Variants in ANKDD1A observed in about 807,000 individuals in gnomAD.
ANKDD1A encodes the protein ankyrin repeat and death domain-containing protein 1A.
Under a neutral mutation model 63.5 loss-of-function variants are expected in ANKDD1A, and 59 were observed. That is an observed-to-expected ratio of 0.93 (90% CI 0.75 to 1.15). ANKDD1A has a LOEUF of 1.15. Among genes scored for constraint, ANKDD1A ranks in the 50% most tolerant of loss-of-function variants. The pLI, the probability that ANKDD1A is intolerant of heterozygous loss-of-function variation, is 0.00. For synonymous variants in ANKDD1A, 266 were observed against 263.9 expected (o/e 1.01, Z -0.08); for missense variants, 632 against 656.4 (o/e 0.96, Z 0.41).
chr15:64,931,622 G>A, intron 8 of ANKDD1A, 37 bp downstream of exon 8: 5 of 1,604,146 alleles, frequency 3.1e-6, no homozygotes, highest in Non-Finnish European at 3.4e-6. Flanking sequence ...TCGGCTCTTG[G>A]CTGCTGAGCC....
intron 9 of ANKDD1A, among the ~76,000 whole-genome samples, chr15:64,940,547 C>T (rs1204150089): frequency 6.6e-6 from 1 of 152,102 alleles, no homozygotes; most frequent in Non-Finnish European, 1.5e-5. Context: ...ATTCTCCTGC[C>T]TCAGCCTCCC....
At position 64,953,157 on chromosome 15, in the gene ANKDD1A, C is replaced by T. The variant is rs1436499966; in HGVS notation, c.1483+3185C>T. On this transcript the variant is annotated intron_variant, in intron 14 of 14. Coordinates refer to ENST00000319580, the MANE Select transcript of ANKDD1A (RefSeq NM_182703.6). ...CCTTTTTTCTTCCTTTTTCTCCTTT[C>T]TTCTTTCCTTCTTTTCTTCTTTTTC... Among the ~76,000 whole-genome samples, 3 of 6,262 alleles carry T rather than the reference C, an allele frequency of 4.8e-4. No individual in the cohort carries two copies. In the Admixed American group the frequency reaches 5.6e-3, roughly 12 times the overall value. The allele number at this position is 6,262 out of a possible 152,430, so 4.1% of individuals were successfully genotyped here.
chr15:64,930,192 T>C lies in ANKDD1A; in HGVS notation c.571-630T>C, dbSNP rs180769591. 3.1e-3 allele frequency among the ~76,000 whole-genome samples: 462 copies of C among 151,156 alleles called. 1 individual carries two copies. The highest frequency in any genetic ancestry group is 3.8e-3 in the Non-Finnish European group (257 of 67,908). ...GTTGATGGGTGCAGCAAACCACCAA[T>C]GCACACGTTTACCGATGTAACAAAC... On this transcript the variant is annotated intron_variant, in intron 6 of 14. Coordinates refer to ENST00000319580, the MANE Select transcript of ANKDD1A (RefSeq NM_182703.6).
At chr15:64,941,395 A>C (rs1258599651) in intron 9 of ANKDD1A, among the ~76,000 whole-genome samples, 1 of 152,216 alleles carries the variant, frequency 6.6e-6, no homozygotes, top group Non-Finnish European at 1.5e-5. Context: ...GGGAAGTCCT[A>C]GAGCATGGTA....
At chr15:64,948,623 G>A (rs886326919) in intron 13 of ANKDD1A, among the ~76,000 whole-genome samples, 3 of 152,232 alleles carry the variant, frequency 2.0e-5, no homozygotes, top group African/African-American at 7.2e-5. Context: ...TTAGGAGTTT[G>A]AGACCAGCCT....
At chr15:64,952,125 TTTC>T (rs763974557) in intron 14 of ANKDD1A, among the ~76,000 whole-genome samples, 8 of 58,642 alleles carry the variant, frequency 1.4e-4, no homozygotes, top group Non-Finnish European at 3.4e-4. Context: ...CTTTCTTCTC[TTTC>T]TTCTTCTTCC....
At chr15:64,943,189 G>A in intron 10 of ANKDD1A, 2 of 342,628 alleles carry the variant, frequency 5.8e-6, no homozygotes, top group Non-Finnish European at 1.1e-5. Context: ...TTTAATAATA[G>A]GGAAGTGGTT....
In ANKDD1A at chr15:64,926,059, T is replaced by C. The variant is rs376319037; in HGVS notation, c.367-7T>C. 26 of 1,611,720 alleles carry C rather than the reference T, an allele frequency of 1.6e-5. No individual in the cohort carries two copies. Among genetic ancestry groups the C allele is most frequent in the Non-Finnish European group, 2.0e-5 (24 of 1,179,212 alleles). On this transcript the variant is annotated splice_region_variant and splice_polypyrimidine_tract_variant and intron_variant, in intron 4 of 14. Transcript: ENST00000319580. ...GACTGCAGGAACCCTCCTGCACTTG[T>C]TTCCAGGATGGCCTGACCTTACTGC...
intron 14 of ANKDD1A, among the ~76,000 whole-genome samples, chr15:64,956,231 C>A (rs200452071): frequency 5.0e-5 from 6 of 120,844 alleles, no homozygotes; most frequent in African/African-American, 1.2e-4. Flanking sequence ...TCTTTGGATT[C>A]CTTTTTTTTT....
chr15:64,924,716 A>G (rs537947368), intron 4 of ANKDD1A, among the ~76,000 whole-genome samples: 3 of 152,264 alleles, frequency 2.0e-5, no homozygotes, highest in Admixed American at 6.5e-5. Context: ...GTCTCTTCCA[A>G]TCTTGTGATG....
At chr15:64,951,500 TTCC>T (rs1411141223) in intron 14 of ANKDD1A, 12 of 146,642 alleles carry the variant, frequency 8.2e-5, no homozygotes, top group East Asian at 2.1e-4. Context: ...TTTCTTCTTC[TTCC>T]TCTTCCTTCT....
At chr15:64,915,672 C>T (rs2084963401) in intron 1 of ANKDD1A, 125 bp from the exon 2 acceptor site, 4 of 749,038 alleles carry the variant, frequency 5.3e-6, no homozygotes, top group Non-Finnish European at 4.5e-6. Context: ...GCCGCTCTGC[C>T]CCTGTTCCTA....
rs1188439994 is a variant in ANKDD1A, at chr15:64,947,731, G to A, written c.1351+138G>A. The A allele has an allele frequency of 6.7e-6, 7 of 1,048,058 alleles. No individual in the cohort carries two copies. In the Admixed American group the frequency reaches 7.5e-5, roughly 11 times the overall value. The allele number at this position is 1,048,058 out of a possible 1,614,324, so 64.9% of individuals were successfully genotyped here. A position where few individuals can be genotyped will look rare whatever the true frequency, so the allele number is the denominator to read the frequency against. The stretch of plus-strand genomic sequence containing the variant: ...TGGTCCCACACTGTCCAACACACCT[G>A]GTGCTCTGTCCCTCCTCCAGGCCTC... On this transcript the variant is annotated intron_variant, in intron 13 of 14. Transcript: ENST00000319580.
At chr15:64,953,522 T>TTCTTCTC (rs1417130639) in intron 14 of ANKDD1A, among the ~76,000 whole-genome samples, 2 of 131,140 alleles carry the variant, frequency 1.5e-5, no homozygotes, top group African/African-American at 3.0e-5. Context: ...CTTCTCCTTC[T>TTCTTCTC]TCCTTCTTCT....
chr15:64,951,667 T>C (rs559242752), intron 14 of ANKDD1A, among the ~76,000 whole-genome samples: 1 of 26,948 alleles, frequency 3.7e-5, no homozygotes, highest in East Asian at 5.0e-3. Flanking sequence ...ATCTTCTTTT[T>C]CTTTCTTTCC....
chr15:64,926,459 T>C (rs1174433530), intron 5 of ANKDD1A, among the ~76,000 whole-genome samples: 1 of 152,052 alleles, frequency 6.6e-6, no homozygotes, highest in African/African-American at 2.4e-5. Flanking sequence ...GTAAATAAAC[T>C]GGATTTGTGG....
At chr15:64,931,097 A>T (rs2085087106) in intron 7 of ANKDD1A, among the ~76,000 whole-genome samples, 177 bp downstream of exon 7, 1 of 152,176 alleles carries the variant, frequency 6.6e-6, no homozygotes, top group Admixed American at 6.5e-5. Flanking sequence ...TAATGGTAGT[A>T]CTTGGCATGA....
intron 14 of ANKDD1A, among the ~76,000 whole-genome samples, chr15:64,953,530 TCTC>T (rs1566917597): frequency 1.7e-5 from 1 of 58,624 alleles, no homozygotes. Flanking sequence ...TCTTCCTTCT[TCTC>T]CTCTCCTTCT....
chr15:64,916,622 C>A (rs2084969964), intron 2 of ANKDD1A, among the ~76,000 whole-genome samples: 1 of 152,230 alleles, frequency 6.6e-6, no homozygotes, highest in African/African-American at 2.4e-5. Flanking sequence ...CCACCTCACC[C>A]TGCCAGAAGT....
Sources: allele counts gnomAD v4.1 joint callset (sites outside exome capture counted in the v4.1 genomes callset), GRCh38; gene constraint gnomAD v4.1.1; transcripts MANE v1.5; gene names NCBI Gene and HGNC (gene_info 2026-07-23, HGNC 2026-07-21).